The following SNX14 variants were observed in gnomAD, a reference collection of about 807,000 sequenced individuals.
SNX14 encodes the protein sorting nexin-14.
A neutral mutation model predicts 133.8 loss-of-function variants in SNX14; 93 were observed. The observed-to-expected ratio is 0.70, with a 90% CI of 0.59 to 0.83. SNX14 has a LOEUF of 0.83. Ranked by LOEUF, SNX14 falls within the 40% of genes least tolerant of loss-of-function variation. SNX14 has a pLI of 0.00. For missense variants in SNX14, 945 were observed against 1,094.9 expected (o/e 0.86, Z 1.93); for synonymous variants, 368 against 365.6 (o/e 1.01, Z -0.07).
chr6:85,586,007 A>C (rs1800718654), intron 1 of SNX14, among the ~76,000 whole-genome samples: 1 of 152,130 alleles, frequency 6.6e-6, no homozygotes, highest in African/African-American at 2.4e-5. Context: ...AAAAAAAAAA[A>C]ACTAAATCTA....
At chr6:85,507,673 C>T (rs1372855255) in intron 27 of SNX14, among the ~76,000 whole-genome samples, 1 of 152,074 alleles carries the variant, frequency 6.6e-6, no homozygotes, top group Non-Finnish European at 1.5e-5. Flanking sequence ...TTCTATGTGA[C>T]TTGAATAATG....
intron 6 of SNX14, among the ~76,000 whole-genome samples, chr6:85,561,657 A>G (rs928409899): frequency 1.3e-5 from 2 of 151,986 alleles, no homozygotes; most frequent in African/African-American, 2.4e-5. Flanking sequence ...AGTGCATGGG[A>G]AAAAAAATCA....
intron 26 of SNX14, among the ~76,000 whole-genome samples, chr6:85,509,575 GAAGA>G (rs2127762188): frequency 6.6e-6 from 1 of 152,214 alleles, no homozygotes; most frequent in South Asian, 2.1e-4. Flanking sequence ...TGAGCAGAAG[GAAGA>G]GATTTCGCAT....
intron 20 of SNX14, among the ~76,000 whole-genome samples, chr6:85,526,714 G>A (rs1183583665): frequency 6.6e-6 from 1 of 152,174 alleles, no homozygotes; most frequent in Non-Finnish European, 1.5e-5. Flanking sequence ...AAAACTAGAT[G>A]GGGAAATGTG....
intron 4 of SNX14, chr6:85,568,145 A>C (rs531676060): frequency 4.6e-5 from 7 of 152,278 alleles, no homozygotes; most frequent in African/African-American, 1.4e-4. Context: ...AATGACATGC[A>C]CATATTTCTA....
intron 5 of SNX14, among the ~76,000 whole-genome samples, chr6:85,566,448 A>G (rs113196254): frequency 0.013 from 1,916 of 152,088 alleles, 38 homozygotes; most frequent in African/African-American, 0.044. Context: ...CTATAATCCC[A>G]ACACTTTGGG....
intron 15 of SNX14, among the ~76,000 whole-genome samples, chr6:85,540,460 AG>A (rs1157042633): frequency 6.6e-6 from 1 of 152,232 alleles, no homozygotes; most frequent in African/African-American, 2.4e-5. Flanking sequence ...ATGCAAGAAA[AG>A]GCATGTGGCC....
chr6:85,570,950 A>G lies in SNX14; in HGVS notation c.417+1187T>C, dbSNP rs531001880. The stretch of plus-strand genomic sequence containing the variant: ...ATCCACTATATATTTTATACACAGA[A>G]CACATGTCAACTTGGACTAGCACAT... On this transcript the variant is annotated intron_variant, in intron 4 of 28. Coordinates refer to ENST00000314673, the MANE Select transcript of SNX14 (RefSeq NM_153816.6). Among the ~76,000 whole-genome samples the G allele has an allele frequency of 2.6e-5, 4 of 152,318 alleles. No individual in the cohort carries two copies. In the South Asian group the frequency reaches 8.3e-4, roughly 32 times the overall value.
intron 26 of SNX14, among the ~76,000 whole-genome samples, chr6:85,511,941 G>A (rs552132045): frequency 6.6e-6 from 1 of 152,278 alleles, no homozygotes; most frequent in African/African-American, 2.4e-5. Context: ...AAAATATGGA[G>A]GGAGAGGAAG....
chr6:85,546,162 G>A (rs1277682556), intron 12 of SNX14, among the ~76,000 whole-genome samples: 1 of 152,228 alleles, frequency 6.6e-6, no homozygotes, highest in East Asian at 1.9e-4. Flanking sequence ...AGGAGTAGGG[G>A]AAAGAGTGGA....
chr6:85,543,154 C>A, intron 14 of SNX14, 28 bp downstream of exon 14: 1 of 1,492,038 alleles, frequency 6.7e-7, no homozygotes. Context: ...TATAAAAATC[C>A]TCAAACAAGG....
chr6:85,529,464 G>T (rs1313351763), intron 19 of SNX14, among the ~76,000 whole-genome samples: 1 of 152,112 alleles, frequency 6.6e-6, no homozygotes, highest in Non-Finnish European at 1.5e-5. Context: ...AGAAATTTTA[G>T]CATCAAAAAA....
intron 21 of SNX14, among the ~76,000 whole-genome samples, chr6:85,519,010 C>A (rs1775956718): frequency 6.6e-6 from 1 of 152,212 alleles, no homozygotes; most frequent in Non-Finnish European, 1.5e-5. Flanking sequence ...AAGTTCAAAA[C>A]TGCTCTTAAT....
chr6:85,543,499 T>C, intron 13 of SNX14, 106 bp downstream of exon 13: 1 of 1,083,152 alleles, frequency 9.2e-7, no homozygotes, highest in African/African-American at 1.6e-5. Context: ...TAAAATAGAA[T>C]AATAGCTGCC....
chr6:85,548,766 A>G (rs1473268748), intron 8 of SNX14, among the ~76,000 whole-genome samples: 1 of 152,122 alleles, frequency 6.6e-6, no homozygotes, highest in Non-Finnish European at 1.5e-5. Context: ...CAGGAGTTCA[A>G]GACCAGCCTG....
At chr6:85,557,901 CAT>C in intron 7 of SNX14, 73 bp downstream of exon 7, 1 of 795,756 alleles carries the variant, frequency 1.3e-6, no homozygotes, top group South Asian at 1.5e-5. Flanking sequence ...AATCAGTACT[CAT>C]ATTTAGATAT....
intron 21 of SNX14, among the ~76,000 whole-genome samples, chr6:85,522,334 T>C (rs142459381): frequency 7.2e-4 from 109 of 152,312 alleles, no homozygotes; most frequent in African/African-American, 2.5e-3. Context: ...AACCTTGTTC[T>C]TCTTCTAAAG....
chr6:85,543,482 T>G, intron 13 of SNX14, 123 bp downstream of exon 13: 2 of 1,060,476 alleles, frequency 1.9e-6, no homozygotes, highest in Non-Finnish European at 2.7e-6. Flanking sequence ...AGCTTTCATC[T>G]CATTAGTAAA....
intron 16 of SNX14, 113 bp from the exon 17 acceptor site, chr6:85,537,037 G>A: frequency 2.7e-6 from 3 of 1,118,406 alleles, no homozygotes; most frequent in South Asian, 2.1e-5. Context: ...ATAAACTAAA[G>A]GTATAGCTAA....
Sources: allele counts gnomAD v4.1 joint callset (sites outside exome capture counted in the v4.1 genomes callset), GRCh38; gene constraint gnomAD v4.1.1; transcripts MANE v1.5; gene names NCBI Gene and HGNC (gene_info 2026-07-23, HGNC 2026-07-21).